The following CAP2 variants were observed in gnomAD, a reference collection of about 807,000 sequenced individuals.
CAP2 encodes the protein cyclase associated actin cytoskeleton regulatory protein 2, also known as adenylyl cyclase-associated protein 2.
A neutral mutation model predicts 57.7 loss-of-function variants in CAP2; 24 were observed. The ratio of observed to expected loss-of-function variants is 0.42; its 90% CI spans 0.30 to 0.58. CAP2 has a LOEUF of 0.58. Among genes scored for constraint, CAP2 ranks in the 20% least tolerant of loss-of-function variants. The pLI is 0.22. For synonymous variants in CAP2, 194 were observed against 207.2 expected (o/e 0.94, Z 0.55); for missense variants, 501 against 590.3 (o/e 0.85, Z 1.57).
intron 2 of CAP2, among the ~76,000 whole-genome samples, chr6:17,422,628 C>T (rs137984256): frequency 1.2e-3 from 189 of 152,212 alleles, no homozygotes; most frequent in East Asian, 7.9e-3. Flanking sequence ...GGATTATAGG[C>T]GTGAACCACC....
intron 4 of CAP2, among the ~76,000 whole-genome samples, chr6:17,498,563 C>T: frequency 6.6e-6 from 1 of 152,094 alleles, no homozygotes; most frequent in East Asian, 1.9e-4. Flanking sequence ...ATGTCCCAGG[C>T]TCCAGATCTC....
chr6:17,452,552 A>T (rs1177770552), intron 3 of CAP2, among the ~76,000 whole-genome samples: 1 of 152,214 alleles, frequency 6.6e-6, no homozygotes, highest in Non-Finnish European at 1.5e-5. Context: ...CAAAGGGGGC[A>T]GTTTGGATGT....
intron 4 of CAP2, among the ~76,000 whole-genome samples, chr6:17,484,983 C>A (rs1175776367): frequency 6.6e-6 from 1 of 152,120 alleles, no homozygotes; most frequent in Non-Finnish European, 1.5e-5. Context: ...TGAAATGATT[C>A]CAAAATGCCA....
rs139215627 is a variant in CAP2 at position 17,521,405 on chromosome 6, G to C, written c.636+7451G>C. 4.9e-3 allele frequency among the ~76,000 whole-genome samples: 749 copies of C among 152,090 alleles called. 7 individuals carry two copies. The highest frequency in any genetic ancestry group is 0.017 in the African/African-American group (695 of 41,492). ...TGCACTCCAGCCTGGGCCACAGAGC[G>C]AGACTCCGTCTCAGAAAAAAAAAAG... On this transcript the variant is annotated intron_variant, in intron 7 of 12. Coordinates refer to ENST00000229922, the MANE Select transcript of CAP2 (RefSeq NM_006366.3).
intron 1 of CAP2, among the ~76,000 whole-genome samples, chr6:17,411,986 G>T (rs1452807392): frequency 6.6e-6 from 1 of 152,180 alleles, no homozygotes; most frequent in South Asian, 2.1e-4. Context: ...TTTCTATCTC[G>T]TGTTTAGCTA....
intron 4 of CAP2, among the ~76,000 whole-genome samples, chr6:17,471,583 A>G (rs556980172): frequency 6.6e-6 from 1 of 152,334 alleles, no homozygotes; most frequent in East Asian, 1.9e-4. Flanking sequence ...CTGTAATCCC[A>G]GCACTTTGGG....
At chr6:17,416,881 C>G (rs1759290065) in intron 1 of CAP2, among the ~76,000 whole-genome samples, 2 of 151,978 alleles carry the variant, frequency 1.3e-5, no homozygotes, top group Admixed American at 6.6e-5. Context: ...TTGCTTGAGC[C>G]CAAGAGTTCA....
intron 9 of CAP2, 40 bp from the exon 10 acceptor site, chr6:17,542,797 A>G: frequency 6.5e-7 from 1 of 1,533,062 alleles, no homozygotes; most frequent in Non-Finnish European, 9.0e-7. Context: ...TTCTGTTTAT[A>G]TATGCTGATG....
chr6:17,444,070 T>C (rs1010250659), intron 3 of CAP2, among the ~76,000 whole-genome samples: 2 of 152,214 alleles, frequency 1.3e-5, no homozygotes, highest in Non-Finnish European at 2.9e-5. Flanking sequence ...TAAAACAAAT[T>C]CATATACAGG....
chr6:17,406,844 C>T (rs1484122359), intron 1 of CAP2, among the ~76,000 whole-genome samples: 3 of 152,154 alleles, frequency 2.0e-5, no homozygotes, highest in Non-Finnish European at 4.4e-5. Context: ...GCCAGGGCCC[C>T]CTTTCCAGTT....
intron 1 of CAP2, among the ~76,000 whole-genome samples, chr6:17,399,274 G>T (rs1050995514): frequency 1.8e-4 from 28 of 152,154 alleles, no homozygotes; most frequent in African/African-American, 6.3e-4. Context: ...TGTTGGCCAG[G>T]CTGGTCTTGA....
rs1329580649 is a variant in CAP2, at chr6:17,541,029, CAAG to C, written c.884_886del (p.Gln295_Gly296delinsArg). 2.5e-6 allele frequency: 4 copies of C among 1,614,110 alleles called. No homozygotes were observed. Among genetic ancestry groups the C allele is most frequent in the Non-Finnish European group, 3.4e-6 (4 of 1,179,982 alleles). On this transcript the variant is annotated inframe_deletion, in exon 9 of 13. Transcript: ENST00000229922. ...ATACAAAAATCCCAGCCTGCGGGCT[CAAG>C]GAGGGCAAACTCAATCTCCCACCAA... is the stretch of plus-strand genomic sequence containing the variant.
intron 3 of CAP2, among the ~76,000 whole-genome samples, chr6:17,455,127 A>G (rs139950205): frequency 6.6e-6 from 1 of 152,284 alleles, no homozygotes; most frequent in East Asian, 1.9e-4. Flanking sequence ...GCACCAAGGA[A>G]CGGCAATCTC....
intron 11 of CAP2, among the ~76,000 whole-genome samples, chr6:17,547,461 T>G (rs988326992): frequency 6.6e-6 from 1 of 151,168 alleles, no homozygotes; most frequent in Non-Finnish European, 1.5e-5. Context: ...TGAAGACGCA[T>G]AGAAAAAAAA....
At chr6:17,396,568 C>A (rs555870967) in intron 1 of CAP2, among the ~76,000 whole-genome samples, 197 of 152,236 alleles carry the variant, frequency 1.3e-3, no homozygotes, top group Non-Finnish European at 2.2e-3. Flanking sequence ...ACTGTATGAT[C>A]TATTCATTTG....
In CAP2 at chr6:17,479,632, G is replaced by GA. The variant is rs1445426255; in HGVS notation, c.300+16560dup. ...ATTTTTTTTTTTTTTTTTTTTTTGA[G>GA]ACAGAGTCTCACTTTGTCGCCCAGG... is the stretch of plus-strand genomic sequence containing the variant. On this transcript the variant is annotated intron_variant, in intron 4 of 12. Coordinates refer to ENST00000229922, the MANE Select transcript of CAP2 (RefSeq NM_006366.3). Among the ~76,000 whole-genome samples, 173 of 124,280 alleles carry GA rather than the reference G, an allele frequency of 1.4e-3. 1 individual carries two copies. The highest frequency in any genetic ancestry group is 5.7e-3 in the African/African-American group (166 of 29,110). The allele number at this position is 124,280 out of a possible 152,430, so 81.5% of individuals were successfully genotyped here. A position where few individuals can be genotyped will look rare whatever the true frequency, so the allele number is the denominator to read the frequency against.
In CAP2 at chr6:17,530,943, G is replaced by A; in HGVS notation, c.637-8326G>A. The A allele has an allele frequency of 4.5e-6, 7 of 1,548,836 alleles. No individual in the cohort carries two copies. In the South Asian group the frequency reaches 5.6e-5, roughly 12 times the overall value. ...GTTGATCTGGTCCTCCCTGTTGCCA[G>A]CATCTCCACCTTCTACAAAATGGGT... On this transcript the variant is annotated intron_variant, in intron 7 of 12. Transcript: ENST00000229922.
intron 1 of CAP2, among the ~76,000 whole-genome samples, chr6:17,406,041 T>C (rs1758957030): frequency 6.6e-6 from 1 of 151,920 alleles, no homozygotes; most frequent in Non-Finnish European, 1.5e-5. Flanking sequence ...GCGCCCAGCC[T>C]GAGCAGTGGT....
chr6:17,434,557 A>G (rs1199785865), intron 3 of CAP2, among the ~76,000 whole-genome samples: 2 of 152,178 alleles, frequency 1.3e-5, no homozygotes, highest in Non-Finnish European at 2.9e-5. Context: ...AAATGTTTGC[A>G]TGGGTTAAAA....
Sources: allele counts gnomAD v4.1 joint callset (sites outside exome capture counted in the v4.1 genomes callset), GRCh38; gene constraint gnomAD v4.1.1; transcripts MANE v1.5; gene names NCBI Gene and HGNC (gene_info 2026-07-23, HGNC 2026-07-21).